The following PCDH15 variants were observed in gnomAD, a reference collection of about 807,000 sequenced individuals.
PCDH15 encodes the protein protocadherin-15.
In PCDH15, 129 loss-of-function variants were observed where a neutral mutation model predicts 178.5. The observed-to-expected ratio is 0.72, with a 90% CI of 0.63 to 0.84. The LOEUF is 0.84. PCDH15 is among the 40% of genes least tolerant of loss of function. PCDH15 has a pLI of 0.00. For synonymous variants in PCDH15, 800 were observed against 732.0 expected, an observed-to-expected ratio of 1.09 and a Z score of -1.50; for missense variants, 2,230 against 2,099.9, an observed-to-expected ratio of 1.06 and a Z score of -1.21.
In PCDH15 at chr10:54,267,646, C is replaced by G. The variant is rs190891370; in HGVS notation, c.877-30715G>C. Among the ~76,000 whole-genome samples the G allele has an allele frequency of 7.3e-5, 11 of 151,666 alleles. No homozygotes were observed. In the East Asian group the frequency reaches 1.9e-3, roughly 27 times the overall value. ...ACAATGCAATGTTCAAACTGAGAAC[C>G]AAATCAAGAACACAATCCCATTTAT... On this transcript the variant is annotated intron_variant, in intron 8 of 37. Coordinates refer to ENST00000644397, the MANE Select transcript of PCDH15 (RefSeq NM_001384140.1).
At chr10:54,825,193 G>A (rs1288551372) in intron 3 of PCDH15, among the ~76,000 whole-genome samples, 1 of 151,990 alleles carries the variant, frequency 6.6e-6, no homozygotes, top group Non-Finnish European at 1.5e-5. Flanking sequence ...TCCCTACAAA[G>A]GACATGAACT....
At chr10:54,448,644 G>T (rs927026695) in intron 3 of PCDH15, among the ~76,000 whole-genome samples, 2 of 151,542 alleles carry the variant, frequency 1.3e-5, no homozygotes, top group East Asian at 3.9e-4. Flanking sequence ...TCTAGCAATA[G>T]AATTCATTGT....
chr10:54,834,624 T>C (rs1028718747), intron 3 of PCDH15, among the ~76,000 whole-genome samples: 1 of 152,054 alleles, frequency 6.6e-6, no homozygotes, highest in African/African-American at 2.4e-5. Flanking sequence ...GAAAAAATAA[T>C]TCTCTCTATT....
intron 2 of PCDH15, among the ~76,000 whole-genome samples, chr10:55,074,417 A>G (rs925760388): frequency 6.6e-6 from 1 of 152,152 alleles, no homozygotes; most frequent in Non-Finnish European, 1.5e-5. Flanking sequence ...GACTGGCATG[A>G]GATGGTATCT....
At chr10:54,752,017 T>C (rs1019179303) in intron 1 of PCDH15, among the ~76,000 whole-genome samples, 2 of 152,214 alleles carry the variant, frequency 1.3e-5, no homozygotes, top group Non-Finnish European at 2.9e-5. Flanking sequence ...TGTTTTATTG[T>C]GAAAATGTTA....
intron 1 of PCDH15, among the ~76,000 whole-genome samples, chr10:55,200,257 TGTGGCCTAGATGTAA>T (rs1279180304): frequency 1.3e-5 from 2 of 152,108 alleles, no homozygotes; most frequent in Non-Finnish European, 2.9e-5. Context: ...TTTGCATCAG[TGTGGCCTAGATGTAA>T]GACATGAAGT....
At chr10:55,402,448 G>T (rs1445400822) in intron 2 of PCDH15, among the ~76,000 whole-genome samples, 1 of 151,824 alleles carries the variant, frequency 6.6e-6, no homozygotes, top group Admixed American at 6.6e-5. Context: ...ATTGTGCAAT[G>T]GAACACTAGA....
At chr10:54,590,869 A>T (rs2091840446) in intron 2 of PCDH15, among the ~76,000 whole-genome samples, 1 of 152,166 alleles carries the variant, frequency 6.6e-6, no homozygotes, top group Non-Finnish European at 1.5e-5. Flanking sequence ...AACAAAAAAA[A>T]ACCGAGACAC....
At chr10:54,222,020 T>G (rs2052881970) in intron 9 of PCDH15, among the ~76,000 whole-genome samples, 1 of 152,236 alleles carries the variant, frequency 6.6e-6, no homozygotes, top group Non-Finnish European at 1.5e-5. Context: ...CTAGGTGTTA[T>G]TCTATTGTAT....
At chr10:55,252,927 T>C (rs1841878522) in intron 1 of PCDH15, among the ~76,000 whole-genome samples, 1 of 152,140 alleles carries the variant, frequency 6.6e-6, no homozygotes. Context: ...AATTTCAACA[T>C]TCAGCTAAAG....
chr10:54,934,168 A>AT (rs564449827), intron 2 of PCDH15, among the ~76,000 whole-genome samples: 1 of 152,104 alleles, frequency 6.6e-6, no homozygotes, highest in Admixed American at 6.6e-5. Context: ...ATTTGTGGGA[A>AT]TTTTTTTGTC....
At chr10:54,134,352 T>A in intron 14 of PCDH15, among the ~76,000 whole-genome samples, 1 of 88,234 alleles carries the variant, frequency 1.1e-5, no homozygotes, top group South Asian at 5.1e-4. Context: ...TAGAATCTCC[T>A]TAAAGTAGTC....
At chr10:55,535,532 A>G (rs191481503) in intron 2 of PCDH15, among the ~76,000 whole-genome samples, 15 of 152,236 alleles carry the variant, frequency 9.9e-5, no homozygotes. Flanking sequence ...TACAGATGCT[A>G]AAGAAATTCA....
At chr10:54,616,355 C>A (rs2093153839) in intron 2 of PCDH15, among the ~76,000 whole-genome samples, 1 of 152,060 alleles carries the variant, frequency 6.6e-6, no homozygotes, top group South Asian at 2.1e-4. Flanking sequence ...AGAACATATT[C>A]CTAATCAGAT....
chr10:54,775,421 A>G (rs1566204985), intron 1 of PCDH15, among the ~76,000 whole-genome samples: 1 of 152,226 alleles, frequency 6.6e-6, no homozygotes, highest in Non-Finnish European at 1.5e-5. Context: ...CACAACGTAT[A>G]GTAATCAGAT....
chr10:55,613,394 A>T (rs1843410955), intron 2 of PCDH15, among the ~76,000 whole-genome samples: 1 of 152,112 alleles, frequency 6.6e-6, no homozygotes, highest in Non-Finnish European at 1.5e-5. Context: ...CATAATTGGG[A>T]TATACACCAC....
At chr10:54,304,866 C>CT (rs58915122) in intron 8 of PCDH15, among the ~76,000 whole-genome samples, 29,403 of 150,562 alleles carry the variant, frequency 0.2, 3,122 homozygotes, top group African/African-American at 0.28. Flanking sequence ...GTTTATTTCC[C>CT]TTTTTTTTTG....
intron 2 of PCDH15, among the ~76,000 whole-genome samples, chr10:54,929,491 C>T (rs1021451142): frequency 9.9e-5 from 15 of 152,112 alleles, no homozygotes; most frequent in African/African-American, 3.6e-4. Context: ...TACTATTAAT[C>T]ATATAGTCAC....
intron 2 of PCDH15, among the ~76,000 whole-genome samples, chr10:55,527,863 T>G (rs367556072): frequency 2.6e-5 from 4 of 152,176 alleles, no homozygotes; most frequent in East Asian, 3.9e-4. Context: ...TTGTTTTTTC[T>G]TCTGACAACA....
Sources: gnomAD v4.1 joint callset for allele counts (sites outside exome capture counted in the v4.1 genomes callset) on GRCh38, gnomAD v4.1.1 for gene constraint, MANE v1.5 for transcripts, NCBI Gene and HGNC (gene_info 2026-07-23, HGNC 2026-07-21) for gene names.